CHST9: variants seen among roughly 807,000 people sequenced by gnomAD.
The protein encoded by CHST9 is carbohydrate sulfotransferase 9.
Under a neutral mutation model 44.4 loss-of-function variants are expected in CHST9, and 41 were observed. That is an observed-to-expected ratio of 0.92 (90% CI 0.72 to 1.20). The LOEUF (loss-of-function observed/expected upper bound fraction) is 1.20, where lower values mean the gene tolerates loss of function less well. CHST9 is among the 50% of genes most tolerant of loss of function. CHST9 has a pLI of 0.00. For synonymous variants in CHST9, 171 were observed against 178.4 expected (o/e 0.96, Z 0.33); for missense variants, 504 against 516.5 (o/e 0.98, Z 0.23).
Position 27,105,464 on chromosome 18 carries a change from G to A in CHST9, c.121+37225C>T, listed in dbSNP as rs539153181. Among the ~76,000 whole-genome samples the A allele has an allele frequency of 2.3e-4, 35 of 152,274 alleles. 2 individuals are homozygous for A. Among genetic ancestry groups the A allele is most frequent in the African/African-American group, 8.2e-4 (34 of 41,574 alleles). ...GAACAGAGAGAAAGGAGGATGATCT[G>A]CAGAAAAGTTATGCATGTTTACTGA... On this transcript the variant is annotated intron_variant, in intron 2 of 5. Transcript: ENST00000618847.
At chr18:27,095,694 G>C (rs1283853954) in intron 2 of CHST9, among the ~76,000 whole-genome samples, 3 of 152,088 alleles carry the variant, frequency 2.0e-5, no homozygotes, top group Non-Finnish European at 4.4e-5. Flanking sequence ...GGACAAAGAA[G>C]GGCACTACAT....
intron 2 of CHST9, among the ~76,000 whole-genome samples, chr18:27,117,796 C>T (rs553504897): frequency 6.6e-6 from 1 of 152,196 alleles, no homozygotes; most frequent in African/African-American, 2.4e-5. Flanking sequence ...CATTCACTTA[C>T]TAAAGGACAT....
intron 2 of CHST9, among the ~76,000 whole-genome samples, chr18:27,110,191 GC>G (rs1199455499): frequency 7.2e-6 from 1 of 139,484 alleles, no homozygotes; most frequent in African/African-American, 2.7e-5. Context: ...GGTTTGTTTT[GC>G]CAATTTGCTA....
intron 3 of CHST9, 131 bp from the exon 4 acceptor site, chr18:27,024,288 G>T: frequency 1.4e-6 from 1 of 693,130 alleles, no homozygotes; most frequent in Non-Finnish European, 2.4e-6. Flanking sequence ...GGAAGGGAGA[G>T]GGTCATGAAA....
chr18:27,180,871 G>T (rs902256587), intron 1 of CHST9, among the ~76,000 whole-genome samples: 1 of 152,054 alleles, frequency 6.6e-6, no homozygotes, highest in South Asian at 2.1e-4. Context: ...AATTTATCCT[G>T]TGGGTCTCAA....
At chr18:26,978,098 T>TC (rs2056645996) in intron 4 of CHST9, among the ~76,000 whole-genome samples, 1 of 151,850 alleles carries the variant, frequency 6.6e-6, no homozygotes, top group Admixed American at 6.6e-5. Flanking sequence ...GGTTTTTTTT[T>TC]TTCTCCCAAT....
At chr18:26,958,741 C>T (rs1366764009) in intron 4 of CHST9, among the ~76,000 whole-genome samples, 3 of 152,172 alleles carry the variant, frequency 2.0e-5, no homozygotes, top group Admixed American at 2.0e-4. Flanking sequence ...TACTAATTAT[C>T]AGAGAAATGC....
intron 1 of CHST9, among the ~76,000 whole-genome samples, chr18:27,155,086 T>TAAAAA (rs145704285): frequency 2.8e-5 from 3 of 108,754 alleles, no homozygotes; most frequent in African/African-American, 9.7e-5. Context: ...TTTCAAAAGT[T>TAAAAA]AAAAAAAAAA....
intron 4 of CHST9, among the ~76,000 whole-genome samples, chr18:26,969,347 C>T (rs1319975783): frequency 1.3e-5 from 2 of 148,954 alleles, no homozygotes; most frequent in Non-Finnish European, 3.0e-5. Flanking sequence ...ACTAGCTAGT[C>T]TTCCTTTTTT....
At chr18:26,987,024 T>C (rs1340310453) in intron 4 of CHST9, among the ~76,000 whole-genome samples, 2 of 152,140 alleles carry the variant, frequency 1.3e-5, no homozygotes, top group Non-Finnish European at 2.9e-5. Context: ...GGTTTGGATA[T>C]GATTTGCTTT....
At chr18:27,144,855 G>A (rs2058598602) in intron 1 of CHST9, among the ~76,000 whole-genome samples, 1 of 152,030 alleles carries the variant, frequency 6.6e-6, no homozygotes. Flanking sequence ...GAGCCCTCCT[G>A]TCAACCCTGC....
chr18:27,015,640 G>C (rs576642064), intron 4 of CHST9, among the ~76,000 whole-genome samples: 2 of 152,242 alleles, frequency 1.3e-5, no homozygotes, highest in Non-Finnish European at 2.9e-5. Context: ...AAAAGTCACA[G>C]AGAGGGTTAT....
At chr18:27,072,383 A>G (rs912380952) in intron 2 of CHST9, among the ~76,000 whole-genome samples, 17 of 151,934 alleles carry the variant, frequency 1.1e-4, no homozygotes, top group African/African-American at 3.4e-4. Flanking sequence ...ATGATTTGTT[A>G]GCTCCAGTGG....
intron 4 of CHST9, among the ~76,000 whole-genome samples, chr18:26,944,906 T>G (rs769700629): frequency 6.6e-6 from 1 of 152,138 alleles, no homozygotes; most frequent in Non-Finnish European, 1.5e-5. Flanking sequence ...TTCTATAAAT[T>G]GTATCTTGAT....
chr18:27,006,108 A>G (rs1311026832), intron 4 of CHST9, among the ~76,000 whole-genome samples: 1 of 152,210 alleles, frequency 6.6e-6, no homozygotes, highest in African/African-American at 2.4e-5. Flanking sequence ...GAGCTAGTTA[A>G]AAGGAAAACT....
intron 2 of CHST9, among the ~76,000 whole-genome samples, chr18:27,137,326 G>A (rs1168288526): frequency 0.022 from 3,108 of 142,240 alleles, 79 homozygotes; most frequent in Middle Eastern, 0.08. Flanking sequence ...GTGTGTGTGT[G>A]TGTGTGTGTG....
chr18:27,162,642 C>G (rs1157273342), intron 1 of CHST9, among the ~76,000 whole-genome samples: 1 of 152,162 alleles, frequency 6.6e-6, no homozygotes, highest in Admixed American at 6.5e-5. Flanking sequence ...TTTCCTGAAA[C>G]TGAAAGTTGG....
intron 2 of CHST9, among the ~76,000 whole-genome samples, chr18:27,052,644 CAT>C (rs1045004943): frequency 3.9e-5 from 6 of 152,272 alleles, no homozygotes; most frequent in East Asian, 1.9e-4. Context: ...CACTTCAACA[CAT>C]GTTTTTAACT....
chr18:27,101,646 TA>T (rs56348115), intron 2 of CHST9, among the ~76,000 whole-genome samples: 51,103 of 151,412 alleles, frequency 0.34, 8,962 homozygotes, highest in East Asian at 0.49. Flanking sequence ...ATAAAAAAAT[TA>T]AAAAAAATCT....
Sources: gnomAD v4.1 joint callset for allele counts (sites outside exome capture counted in the v4.1 genomes callset) on GRCh38, gnomAD v4.1.1 for gene constraint, MANE v1.5 for transcripts, NCBI Gene and HGNC (gene_info 2026-07-23, HGNC 2026-07-21) for gene names.